The following THSD7B variants were observed in gnomAD, a reference collection of about 807,000 sequenced individuals.
THSD7B encodes thrombospondin type 1 domain containing 7B, also known as thrombospondin type-1 domain-containing protein 7B.
THSD7B carries 138 observed loss-of-function variants against 213.6 expected under a neutral mutation model. The observed-to-expected ratio is 0.65, with a 90% CI of 0.56 to 0.74. THSD7B has a LOEUF of 0.74. THSD7B is among the 30% of genes least tolerant of loss of function. THSD7B has a pLI of 0.00. For synonymous variants in THSD7B, 742 were observed against 687.0 expected (o/e 1.08, Z -1.25); for missense variants, 1,931 against 1,991.5 (o/e 0.97, Z 0.58).
rs1003303744 is a variant in THSD7B at position 137,547,865 on chromosome 2, C to T, written c.3139-15356C>T. On this transcript the variant is annotated intron_variant, in intron 15 of 27. Coordinates refer to ENST00000409968, the MANE Select transcript of THSD7B (RefSeq NM_001316349.2). ...TTAAGAGATGGTAGCATGGTGGGCC[C>T]GTAGCTCTCACTGCATGATAAGAAA... Among the ~76,000 whole-genome samples the T allele has an allele frequency of 8.6e-5, 13 of 151,978 alleles. No homozygotes were observed. In the East Asian group the frequency reaches 1.7e-3, roughly 20 times the overall value.
chr2:137,318,355 C>G (rs1458892063), intron 12 of THSD7B, among the ~76,000 whole-genome samples: 1 of 152,028 alleles, frequency 6.6e-6, no homozygotes, highest in African/African-American at 2.4e-5. Flanking sequence ...CAGAAAAAGC[C>G]CAGGAATTGA....
chr2:136,968,282 T>C (rs191948350), intron 2 of THSD7B, among the ~76,000 whole-genome samples: 2 of 152,302 alleles, frequency 1.3e-5, no homozygotes, highest in Admixed American at 1.3e-4. Context: ...CTTCAGGCTT[T>C]TTAAATTTTT....
chr2:137,240,817 G>A (rs1681882893), intron 9 of THSD7B, among the ~76,000 whole-genome samples: 1 of 152,042 alleles, frequency 6.6e-6, no homozygotes, highest in Admixed American at 6.6e-5. Flanking sequence ...CATTTTCTTT[G>A]TGTTTGAAAT....
chr2:137,052,718 G>T (rs1208008314), intron 2 of THSD7B, among the ~76,000 whole-genome samples: 3 of 151,944 alleles, frequency 2.0e-5, no homozygotes, highest in Admixed American at 1.3e-4. Flanking sequence ...CAATATTCAT[G>T]TTTTTTTGAA....
At chr2:137,163,366 G>T (rs71419521) in intron 6 of THSD7B, among the ~76,000 whole-genome samples, 7,026 of 152,262 alleles carry the variant, frequency 0.046, 200 homozygotes, top group Admixed American at 0.069. Context: ...AGGTCATACT[G>T]GATTAAGGTA....
chr2:136,815,100 C>T (rs959883887), intron 1 of THSD7B, among the ~76,000 whole-genome samples: 17 of 152,150 alleles, frequency 1.1e-4, no homozygotes, highest in African/African-American at 4.1e-4. Context: ...GCTCCATGAA[C>T]TCAAAAATAT....
intron 12 of THSD7B, among the ~76,000 whole-genome samples, chr2:137,385,009 G>A (rs1017140954): frequency 6.6e-6 from 1 of 152,244 alleles, no homozygotes; most frequent in Admixed American, 6.5e-5. Context: ...ACCAGGGCAA[G>A]CAGTCACCAG....
chr2:137,438,830 C>T (rs894734490), intron 14 of THSD7B, among the ~76,000 whole-genome samples: 1 of 152,092 alleles, frequency 6.6e-6, no homozygotes, highest in Non-Finnish European at 1.5e-5. Context: ...TACCTGTGAA[C>T]TTATTTGCAA....
At chr2:137,393,035 A>G (rs1377594589) in intron 12 of THSD7B, among the ~76,000 whole-genome samples, 1 of 152,078 alleles carries the variant, frequency 6.6e-6, no homozygotes, top group African/African-American at 2.4e-5. Context: ...CCGGTCTGAC[A>G]GTAACGAGTT....
chr2:137,102,050 G>A (rs536033573), intron 4 of THSD7B, among the ~76,000 whole-genome samples: 39 of 152,340 alleles, frequency 2.6e-4, no homozygotes, highest in Middle Eastern at 3.4e-3. Context: ...CTAAGGGACA[G>A]ACTGTCTCCT....
intron 2 of THSD7B, among the ~76,000 whole-genome samples, chr2:137,032,519 A>T (rs1040377137): frequency 2.6e-5 from 4 of 152,330 alleles, no homozygotes; most frequent in Middle Eastern, 6.8e-3. Context: ...AAACGGGGAT[A>T]GCTTATTCTC....
intron 2 of THSD7B, among the ~76,000 whole-genome samples, chr2:136,919,556 C>T (rs1055810601): frequency 6.6e-6 from 1 of 152,224 alleles, no homozygotes; most frequent in African/African-American, 2.4e-5. Flanking sequence ...AGGATTGTGG[C>T]AGGCAGGATT....
intron 12 of THSD7B, among the ~76,000 whole-genome samples, chr2:137,397,724 T>C (rs563756302): frequency 3.9e-5 from 6 of 152,192 alleles, no homozygotes; most frequent in Admixed American, 1.3e-4. Flanking sequence ...CTTGCTAGAT[T>C]GGGGATATTA....
chr2:137,172,772 G>A (rs192670209), intron 7 of THSD7B, among the ~76,000 whole-genome samples: 4 of 152,262 alleles, frequency 2.6e-5, no homozygotes, highest in Non-Finnish European at 4.4e-5. Flanking sequence ...TGAAGTGAGC[G>A]GCAGTCTTGA....
chr2:137,487,353 C>T lies in THSD7B; in HGVS notation c.3138+36330C>T, dbSNP rs377468286. On this transcript the variant is annotated intron_variant, in intron 15 of 27. Transcript: ENST00000409968. ...ACTGCAGTCCGCAGTCCGGCCTGGG[C>T]GACAGAGCGAGACTCCGTCTCAAAA... Among the ~76,000 whole-genome samples the T allele has an allele frequency of 6.1e-5, 6 of 98,338 alleles. No individual in the cohort carries two copies. In the East Asian group the frequency reaches 9.8e-4, roughly 16 times the overall value. The allele number at this position is 98,338 out of a possible 152,430, so 64.5% of individuals were successfully genotyped here.
intron 2 of THSD7B, among the ~76,000 whole-genome samples, chr2:137,048,931 C>G (rs182042327): frequency 6.6e-6 from 1 of 152,292 alleles, no homozygotes; most frequent in East Asian, 1.9e-4. Flanking sequence ...TTCAGGAGAA[C>G]GTTGTGTGGG....
Position 137,391,389 on chromosome 2 carries a change from A to ATTT in THSD7B, c.2501-14224_2501-14223insTTT, listed in dbSNP as rs1686023179. On this transcript the variant is annotated intron_variant, in intron 12 of 27. Coordinates refer to ENST00000409968, the MANE Select transcript of THSD7B (RefSeq NM_001316349.2). ...GCTAGTGGTTTATCAATTTTTTTTA[A>ATTT]AATCTTTTTAAAGAACAGGCCAGGT... 2.1e-4 allele frequency among the ~76,000 whole-genome samples: 32 copies of ATTT among 151,720 alleles called. 1 individual carries two copies. In the South Asian group the frequency reaches 6.0e-3, roughly 29 times the overall value.
At chr2:137,178,040 C>T (rs1416495815) in intron 7 of THSD7B, among the ~76,000 whole-genome samples, 1 of 138,490 alleles carries the variant, frequency 7.2e-6, no homozygotes, top group Non-Finnish European at 1.5e-5. Context: ...CACTGTACTC[C>T]AGCCTGGTGA....
intron 15 of THSD7B, among the ~76,000 whole-genome samples, chr2:137,532,699 T>A (rs1680421451): frequency 6.6e-6 from 1 of 151,812 alleles, no homozygotes; most frequent in African/African-American, 2.4e-5. Context: ...TTGTTTCTCT[T>A]TCTAATTCTT....
Sources: allele counts gnomAD v4.1 joint callset (sites outside exome capture counted in the v4.1 genomes callset), GRCh38; gene constraint gnomAD v4.1.1; transcripts MANE v1.5; gene names NCBI Gene and HGNC (gene_info 2026-07-23, HGNC 2026-07-21).